The following MTMR9 variants were observed in gnomAD, a reference collection of about 807,000 sequenced individuals.
The protein encoded by MTMR9 is myotubularin related protein 9, also known as myotubularin-related protein 9.
MTMR9 carries 39 observed loss-of-function variants against 69.5 expected under a neutral mutation model. That is an observed-to-expected ratio of 0.56 (90% confidence interval 0.43 to 0.73). The LOEUF (loss-of-function observed/expected upper bound fraction) is 0.73. MTMR9 is among the 30% of genes least tolerant of loss of function. The pLI is 0.00. For missense variants in MTMR9, 900 were observed against 671.2 expected (o/e 1.34, Z -3.77); for synonymous variants, 354 against 240.8 (o/e 1.47, Z -4.35).
chr8:11,302,712 C>G (rs1297507531), intron 3 of MTMR9, among the ~76,000 whole-genome samples: 1 of 151,776 alleles, frequency 6.6e-6, no homozygotes, highest in East Asian at 1.9e-4. Context: ...CTCAATAAGA[C>G]AAGAAGGAAA....
Position 11,284,981 on chromosome 8 carries a change from G to T in MTMR9, c.93G>T (p.Leu31=). The T allele has an allele frequency of 6.2e-7, 1 of 1,613,960 alleles. No homozygotes were observed. The highest frequency in any genetic ancestry group is 8.5e-7 in the Non-Finnish European group (1 of 1,179,956). The change falls in exon 1 of 10, where the codon CTG becomes CTT. Residue 31 remains leucine, a synonymous_variant. Transcript: ENST00000221086. Reference sequence around the variant, plus strand: ...CGGCTGTCGAGGGCACCCTGTGCCTGACGGGCCACCACTTGATCCTGTCCT... The same window carrying T: ...CGGCTGTCGAGGGCACCCTGTGCCTTACGGGCCACCACTTGATCCTGTCCT... ...FYPAVEGTLC[L]TGHHLILSSR...
intron 6 of MTMR9, among the ~76,000 whole-genome samples, chr8:11,311,617 G>A (rs1242482344): frequency 2.6e-5 from 4 of 152,318 alleles, no homozygotes; most frequent in Admixed American, 6.5e-5. Flanking sequence ...ATTGGCCCTG[G>A]TAGAGGGCCT....
In MTMR9 at chr8:11,326,327, A is replaced by G. The variant is rs1037077626; in HGVS notation, c.*3539A>G. On this transcript the variant is annotated 3_prime_UTR_variant, in exon 10 of 10. Transcript: ENST00000221086. ...ACTTCTAGATAGAATGAATGAAAAC[A>G]ACACAAGCGTTTTATGAGCACTCTT... is the stretch of plus-strand genomic sequence containing the variant. 4 of 152,364 alleles carry G rather than the reference A, an allele frequency of 2.6e-5. No homozygotes were observed. The highest frequency in any genetic ancestry group is 3.4e-3 in the Middle Eastern group (1 of 294). 9.4% of individuals were successfully genotyped at this position (152,364 alleles called of 1,614,324 possible).
In MTMR9 at chr8:11,326,475, G is replaced by GTTGTT. The variant is rs772791653; in HGVS notation, c.*3688_*3692dup. The GTTGTT allele has an allele frequency of 7.4e-6, 1 of 135,494 alleles. No homozygotes were observed. The allele number at this position is 135,494 out of a possible 1,614,324, so 8.4% of individuals were successfully genotyped here. A position where few individuals can be genotyped will look rare whatever the true frequency, so the allele number is the denominator to read the frequency against. ...TCAGTACATCTGATAAAGTTTTGTT[G>GTTGTT]TTGTTGTTGTTGTTGTTGTTTTAAT... On this transcript the variant is annotated 3_prime_UTR_variant, in exon 10 of 10. Coordinates refer to ENST00000221086, the MANE Select transcript of MTMR9 (RefSeq NM_015458.4).
In MTMR9 at chr8:11,323,089, A is replaced by G. The variant is rs1800769339; in HGVS notation, c.*301A>G. 4.7e-6 allele frequency: 1 copy of G among 211,098 alleles called. No homozygotes were observed. Among genetic ancestry groups the G allele is most frequent in the Admixed American group, 5.7e-5 (1 of 17,624 alleles). The allele number at this position is 211,098 out of a possible 1,614,324, so 13.1% of individuals were successfully genotyped here. On this transcript the variant is annotated 3_prime_UTR_variant, in exon 10 of 10. Coordinates refer to ENST00000221086, the MANE Select transcript of MTMR9 (RefSeq NM_015458.4). ...ATTTGTGTTTCATGCCATTTTATCC[A>G]AAGCTTTTTCTCTGTGTCCACTCTC...
intron 6 of MTMR9, among the ~76,000 whole-genome samples, chr8:11,312,073 C>G (rs981356633): frequency 6.6e-6 from 1 of 152,110 alleles, no homozygotes; most frequent in African/African-American, 2.4e-5. Context: ...GAGACAGGGC[C>G]TTGCTCTGTC....
In MTMR9 at chr8:11,327,839, C is replaced by G. The variant is rs762858705; in HGVS notation, c.*5051C>G. On this transcript the variant is annotated 3_prime_UTR_variant, in exon 10 of 10. Coordinates refer to ENST00000221086, the MANE Select transcript of MTMR9 (RefSeq NM_015458.4). ...ACGCACACACACATATACATACAGT[C>G]TTAGGGAAAAAAAAAAGCAGAACTT... is the stretch of plus-strand genomic sequence containing the variant. 3.3e-5 allele frequency: 5 copies of G among 152,040 alleles called. No individual in the cohort carries two copies. The highest frequency in any genetic ancestry group is 5.9e-5 in the Non-Finnish European group (4 of 67,932). 9.4% of individuals were successfully genotyped at this position (152,040 alleles called of 1,614,324 possible).
At chr8:11,291,412 A>G (rs569548489) in intron 1 of MTMR9, among the ~76,000 whole-genome samples, 1 of 152,244 alleles carries the variant, frequency 6.6e-6, no homozygotes, top group African/African-American at 2.4e-5. Flanking sequence ...AAGTATTTTA[A>G]ATGCTGTGAT....
At chr8:11,333,594 G>A in the MTMR9 span, among the ~76,000 whole-genome samples, 2 of 151,968 alleles carry the variant, frequency 1.3e-5, no homozygotes, top group South Asian at 4.1e-4. Flanking sequence ...TAAATTCTAG[G>A]GCAAATATAA....
chr8:11,320,352 C>G (rs1800622131), intron 9 of MTMR9: 1 of 152,232 alleles, frequency 6.6e-6, no homozygotes. Flanking sequence ...TAAATCTATT[C>G]TAAAGTAGAT....
intron 2 of MTMR9, among the ~76,000 whole-genome samples, chr8:11,296,202 T>A (rs1366435032): frequency 4.6e-5 from 7 of 152,194 alleles, no homozygotes; most frequent in African/African-American, 1.7e-4. Flanking sequence ...ATTGGTAAAG[T>A]ACTTAACATC....
chr8:11,307,696 C>G (rs1359175236), intron 5 of MTMR9, among the ~76,000 whole-genome samples: 2 of 152,186 alleles, frequency 1.3e-5, no homozygotes, highest in African/African-American at 4.8e-5. Flanking sequence ...TGTCCATATT[C>G]TCAACAACAG....
downstream of MTMR9, among the ~76,000 whole-genome samples, chr8:11,332,360 C>T (rs1801270912): frequency 6.6e-6 from 1 of 151,894 alleles, no homozygotes; most frequent in Admixed American, 6.6e-5. Flanking sequence ...ATTGAACTAT[C>T]CTTAAGGAAT....
At chr8:11,301,906 C>A (rs1799759635) in intron 3 of MTMR9, among the ~76,000 whole-genome samples, 1 of 152,058 alleles carries the variant, frequency 6.6e-6, no homozygotes. Flanking sequence ...AGGTTAGACA[C>A]ATGCATGCTT....
At chr8:11,294,688 A>C (rs1799488380) in intron 1 of MTMR9, 1 of 151,734 alleles carries the variant, frequency 6.6e-6, no homozygotes, top group Non-Finnish European at 1.5e-5. Flanking sequence ...ACAGAATTTC[A>C]CTGTGTTAGC....
chr8:11,295,329 T>TAGCTGTATATATTTTAAAACTCTTTA, intron 2 of MTMR9, 27 bp downstream of exon 2: 1 of 1,236,512 alleles, frequency 8.1e-7, no homozygotes, highest in African/African-American at 1.5e-5. Context: ...CAAAATCTAA[T>TAGCTGTATATATTTTAAAACTCTTTA]GAAACATAAT....
At chr8:11,331,687 T>C, downstream of MTMR9, 1 of 1,612,058 alleles carries the variant, frequency 6.2e-7, no homozygotes, top group Non-Finnish European at 8.5e-7. Context: ...CTGGGCTATG[T>C]GCAGGCTTTC....
At position 11,314,559 on chromosome 8, in the gene MTMR9, G is replaced by A. The variant is rs903555246; in HGVS notation, c.972-364G>A. 4.6e-5 allele frequency among the ~76,000 whole-genome samples: 7 copies of A among 152,160 alleles called. No individual in the cohort carries two copies. In the East Asian group the frequency reaches 9.6e-4, roughly 21 times the overall value. ...TTGATGAGAAGAGGCTTTAACCAAC[G>A]ATTAAAGCAGAAAGGGTAAATGCCT... On this transcript the variant is annotated intron_variant, in intron 6 of 9. Coordinates refer to ENST00000221086, the MANE Select transcript of MTMR9 (RefSeq NM_015458.4).
At position 11,295,252 on chromosome 8, in the gene MTMR9, T is replaced by G. The variant is rs1330738382; in HGVS notation, c.241T>G (p.Leu81Val). 1 of 1,611,962 alleles carries G rather than the reference T, an allele frequency of 6.2e-7. No individual in the cohort carries two copies. The highest frequency in any genetic ancestry group is 1.3e-5 in the African/African-American group (1 of 74,902). ...ATGTAAAGATTTTCGAATTATTCAG[T>G]TGGATATTCCTGGAATGGAGGAATG... The part of the protein sequence containing the change: ...IKCKDFRIIQ[L>V]DIPGMEECLN... The change falls in exon 2 of 10, where the codon TTG becomes GTG. Residue 81 changes from leucine to valine, a missense_variant. Leu to Val is a conservative substitution (Grantham distance 32). Transcript: ENST00000221086.
Sources: allele counts gnomAD v4.1 joint callset (sites outside exome capture counted in the v4.1 genomes callset), GRCh38; gene constraint gnomAD v4.1.1; transcripts MANE v1.5; gene names NCBI Gene and HGNC (gene_info 2026-07-23, HGNC 2026-07-21).